Variants in EFCAB6 observed in about 807,000 individuals in gnomAD.
EFCAB6 encodes the protein EF-hand calcium-binding domain-containing protein 6.
In EFCAB6, 156 loss-of-function variants were observed where a neutral mutation model predicts 169.8. The ratio of observed to expected loss-of-function variants is 0.92; its 90% CI spans 0.81 to 1.05. The LOEUF is 1.05. Among genes scored for constraint, EFCAB6 ranks in the 50% least tolerant of loss-of-function variants. The pLI is 0.00. For synonymous variants in EFCAB6, 698 were observed against 676.4 expected, an observed-to-expected ratio of 1.03 and a Z score of -0.50; for missense variants, 1,800 against 1,829.1, an observed-to-expected ratio of 0.98 and a Z score of 0.29.
chr22:43,638,789 C>CTT lies in EFCAB6; in HGVS notation c.1984-3575_1984-3574dup, dbSNP rs796807640. Reference sequence around the variant, plus strand: ...TTATAGAGGTCTCCTGCACCCTGTTCTTTTTTTTTTTTTGAGACGGAGTTT... The same window carrying CTT: ...TTATAGAGGTCTCCTGCACCCTGTTCTTTTTTTTTTTTTTTGAGACGGAGTTT... On this transcript the variant is annotated intron_variant, in intron 17 of 31. Transcript: ENST00000262726. Among the ~76,000 whole-genome samples, 729 of 145,094 alleles carry CTT rather than the reference C, an allele frequency of 5.0e-3. 5 individuals carry two copies. The highest frequency in any genetic ancestry group is 0.017 in the African/African-American group (689 of 39,862).
intron 6 of EFCAB6, among the ~76,000 whole-genome samples, chr22:43,741,424 G>C (rs1452703766): frequency 3.9e-5 from 6 of 152,070 alleles, no homozygotes; most frequent in Non-Finnish European, 7.3e-5. Context: ...CTTCGTTCAG[G>C]TCTCCATCCC....
chr22:43,582,470 G>A (rs191513156), intron 24 of EFCAB6, among the ~76,000 whole-genome samples: 94 of 152,206 alleles, frequency 6.2e-4, no homozygotes, highest in Admixed American at 2.2e-3. Context: ...GCTCAGACAA[G>A]CCATCAATGT....
intron 8 of EFCAB6, among the ~76,000 whole-genome samples, chr22:43,729,642 C>G (rs940125230): frequency 1.3e-5 from 2 of 152,140 alleles, no homozygotes; most frequent in African/African-American, 2.4e-5. Flanking sequence ...AACGTAACTT[C>G]AGATACAAAA....
chr22:43,649,378 A>C (rs2056348635), intron 17 of EFCAB6, among the ~76,000 whole-genome samples: 1 of 152,264 alleles, frequency 6.6e-6, no homozygotes, highest in Non-Finnish European at 1.5e-5. Context: ...GCAAAAATTT[A>C]AAAAGCTATA....
At chr22:43,732,775 C>A (rs570613325) in intron 7 of EFCAB6, among the ~76,000 whole-genome samples, 1 of 152,090 alleles carries the variant, frequency 6.6e-6, no homozygotes, top group African/African-American at 2.4e-5. Flanking sequence ...CCGAGATAAC[C>A]TTTTTTTAAA....
Position 43,672,126 on chromosome 22 carries a change from T to A in EFCAB6, c.1487A>T (p.Glu496Val). The change falls in exon 15 of 32, where the codon GAA becomes GTA. Residue 496 changes from glutamate to valine, a missense_variant. Coordinates refer to ENST00000262726, the MANE Select transcript of EFCAB6 (RefSeq NM_022785.4). ...CCTAGTAATTGTATCATGAACAATT[T>A]CTTCCACCTAACATTAAAAAACAAA... is the stretch of plus-strand genomic sequence containing the variant. Reference protein sequence around the residue: ...PFLLAWDSVEEIVHDTITRNL... With the variant: ...PFLLAWDSVEVIVHDTITRNL... The A allele has an allele frequency of 6.2e-7, 1 of 1,613,182 alleles. No individual in the cohort carries two copies. The highest frequency in any genetic ancestry group is 8.5e-7 in the Non-Finnish European group (1 of 1,179,734).
intron 23 of EFCAB6, among the ~76,000 whole-genome samples, chr22:43,599,416 A>G (rs1307620040): frequency 6.8e-6 from 1 of 147,754 alleles, no homozygotes; most frequent in African/African-American, 2.5e-5. Flanking sequence ...AGCCTGAATC[A>G]GGAGAATCGC....
chr22:43,701,839 T>C (rs2058778094), intron 10 of EFCAB6, among the ~76,000 whole-genome samples: 1 of 152,032 alleles, frequency 6.6e-6, no homozygotes, highest in South Asian at 2.1e-4. Context: ...ATGTATTTGA[T>C]TATGTTAAAA....
chr22:43,779,004 G>C (rs895438789), intron 3 of EFCAB6, among the ~76,000 whole-genome samples: 1 of 152,092 alleles, frequency 6.6e-6, no homozygotes, highest in Non-Finnish European at 1.5e-5. Flanking sequence ...AAATGATCAG[G>C]TATTCAAACT....
chr22:43,802,820 C>A lies in EFCAB6; in HGVS notation c.-8+6175G>T, dbSNP rs1169690111. 1.3e-5 allele frequency: 6 copies of A among 451,106 alleles called. No homozygotes were observed. In the East Asian group the frequency reaches 1.7e-4, roughly 13 times the overall value. The allele number at this position is 451,106 out of a possible 1,614,324, so 27.9% of individuals were successfully genotyped here. Reference sequence around the variant, plus strand: ...TAACTGTGTACCTCTGATGACTGTACAGTTTGAAATACTATTTTTAATCAA... The same window carrying A: ...TAACTGTGTACCTCTGATGACTGTAAAGTTTGAAATACTATTTTTAATCAA... On this transcript the variant is annotated intron_variant, in intron 2 of 31. Coordinates refer to ENST00000262726, the MANE Select transcript of EFCAB6 (RefSeq NM_022785.4).
chr22:43,725,232 A>G (rs1019941728), intron 8 of EFCAB6, among the ~76,000 whole-genome samples: 1 of 145,170 alleles, frequency 6.9e-6, no homozygotes, highest in Admixed American at 7.3e-5. Flanking sequence ...CCCCCCGCCT[A>G]CCGGGTTCAA....
rs183677559 is a variant in EFCAB6, at chr22:43,618,575, T to C, written c.2466-2653A>G. ...AAGAATGACAAAGTTATGAGTTTCA[T>C]GGGGCTTTCCTCCCATGTTCCCAGC... On this transcript the variant is annotated intron_variant, in intron 20 of 31. Transcript: ENST00000262726. Among the ~76,000 whole-genome samples, 6 of 152,306 alleles carry C rather than the reference T, an allele frequency of 3.9e-5. No individual in the cohort carries two copies. In the East Asian group the frequency reaches 7.7e-4, roughly 20 times the overall value.
chr22:43,613,807 CAAAATGAAATATTTAGGTATAAATCTAAT>C (rs2053496148), intron 21 of EFCAB6, among the ~76,000 whole-genome samples: 2 of 152,120 alleles, frequency 1.3e-5, no homozygotes, highest in East Asian at 3.9e-4. Context: ...TAGCACCCCC[CAAAATGAAATATTTAGGTATAAATCTAAT>C]AAAATATTAG....
intron 23 of EFCAB6, among the ~76,000 whole-genome samples, chr22:43,594,019 T>C (rs1402334415): frequency 6.6e-6 from 1 of 152,076 alleles, no homozygotes; most frequent in Non-Finnish European, 1.5e-5. Context: ...CTCACACCTG[T>C]AATCTCAGCA....
intron 20 of EFCAB6, among the ~76,000 whole-genome samples, chr22:43,618,194 G>GAA (rs2053855873): frequency 6.8e-6 from 1 of 146,104 alleles, no homozygotes; most frequent in Non-Finnish European, 1.5e-5. Flanking sequence ...AAGAAAGAAA[G>GAA]AAAGAAAGAA....
Position 43,576,854 on chromosome 22 carries a change from G to A in EFCAB6, c.3229-366C>T, listed in dbSNP as rs990482058. Among the ~76,000 whole-genome samples, 6 of 152,176 alleles carry A rather than the reference G, an allele frequency of 3.9e-5. No individual in the cohort carries two copies. In the East Asian group the frequency reaches 1.2e-3, roughly 29 times the overall value. On this transcript the variant is annotated intron_variant, in intron 25 of 31. Transcript: ENST00000262726. The stretch of plus-strand genomic sequence containing the variant: ...GCAGAGCAGAGAGTAACTTGCTCAA[G>A]CTCTCTTGACCCTTACATTCTACTT...
In EFCAB6 at chr22:43,777,109, T is replaced by G. The variant is rs115416920; in HGVS notation, c.140-4006A>C. Among the ~76,000 whole-genome samples the G allele has an allele frequency of 1.6e-3, 245 of 152,144 alleles. 1 individual carries two copies. Among genetic ancestry groups the G allele is most frequent in the African/African-American group, 5.4e-3 (222 of 41,492 alleles). Reference sequence around the variant, plus strand: ...CTGATGGATTGGCTGAGGAGGCGTGTGAGGGGTGTTAAAGAAAATAGAGAA... The same window carrying G: ...CTGATGGATTGGCTGAGGAGGCGTGGGAGGGGTGTTAAAGAAAATAGAGAA... On this transcript the variant is annotated intron_variant, in intron 3 of 31. Coordinates refer to ENST00000262726, the MANE Select transcript of EFCAB6 (RefSeq NM_022785.4).
At chr22:43,711,400 AT>A in intron 10 of EFCAB6, 74 bp downstream of exon 10, 5 of 1,399,976 alleles carry the variant, frequency 3.6e-6, no homozygotes, top group Non-Finnish European at 4.7e-6. Flanking sequence ...TTAATAAAAA[AT>A]AAACGAAGCT....
chr22:43,534,870 G>A lies in EFCAB6; in HGVS notation c.4051C>T (p.Leu1351Phe). The change falls in exon 30 of 32, where the codon CTT becomes TTT. Residue 1351 changes from leucine (L) to phenylalanine (F), a missense_variant and splice_region_variant. By Grantham distance (22) the Leu-to-Phe change is conservative. Transcript: ENST00000262726. ...ATGTCCAGGTTGAATTTCTCCACAA[G>A]AGCTACAGAAAAAAATGGCAGTTCA... ...GDINASDFLA[L>F]VEKFNLDISK... 2.5e-6 allele frequency: 4 copies of A among 1,593,820 alleles called. No individual in the cohort carries two copies. The highest frequency in any genetic ancestry group is 2.3e-5 in the South Asian group (2 of 86,924).
Sources: allele counts gnomAD v4.1 joint callset (sites outside exome capture counted in the v4.1 genomes callset), GRCh38; gene constraint gnomAD v4.1.1; transcripts MANE v1.5; gene names NCBI Gene and HGNC (gene_info 2026-07-23, HGNC 2026-07-21).